Variants in KLHL29 observed in about 807,000 individuals in gnomAD.
The protein encoded by KLHL29 is kelch like family member 29.
In KLHL29, 21 loss-of-function variants were observed where a neutral mutation model predicts 80.4. That is an observed-to-expected ratio of 0.26 (90% CI 0.19 to 0.38). The LOEUF (loss-of-function observed/expected upper bound fraction) is 0.38, where lower values mean the gene tolerates loss of function less well. Among genes scored for constraint, KLHL29 ranks in the 10% least tolerant of loss-of-function variants. The probability of loss-of-function intolerance (pLI) is 1.00; values close to 1 mark genes in which losing one functional copy is unlikely to be tolerated. For missense variants in KLHL29, 867 were observed against 1,223.9 expected (o/e 0.71, Z 4.35); for synonymous variants, 511 against 526.8 (o/e 0.97, Z 0.41).
At chr2:23,541,565 G>A (rs1033566297) in intron 2 of KLHL29, among the ~76,000 whole-genome samples, 2 of 152,192 alleles carry the variant, frequency 1.3e-5, no homozygotes, top group African/African-American at 2.4e-5. Flanking sequence ...GAAAGTGAGC[G>A]GCAGCTCTGT....
intron 2 of KLHL29, among the ~76,000 whole-genome samples, chr2:23,547,107 G>A (rs1253236493): frequency 6.6e-6 from 1 of 152,184 alleles, no homozygotes; most frequent in African/African-American, 2.4e-5. Flanking sequence ...AGGAGGGCCG[G>A]CACCGGGTCT....
At chr2:23,604,182 C>T (rs1279398115) in intron 3 of KLHL29, among the ~76,000 whole-genome samples, 1 of 151,928 alleles carries the variant, frequency 6.6e-6, no homozygotes, top group Non-Finnish European at 1.5e-5. Context: ...GACAGAGTCT[C>T]ACTCTTTCGC....
chr2:23,616,956 G>C (rs1292735834), intron 3 of KLHL29: 2 of 152,224 alleles, frequency 1.3e-5, no homozygotes. Context: ...CTGAATTACA[G>C]CCGTGACCGC....
In KLHL29 at chr2:23,503,233, C is replaced by T. The variant is rs545306569; in HGVS notation, c.-46+27566C>T. 7.2e-5 allele frequency among the ~76,000 whole-genome samples: 11 copies of T among 152,248 alleles called. No individual in the cohort carries two copies. Among genetic ancestry groups the T allele is most frequent in the South Asian group, 2.1e-4 (1 of 4,812 alleles). Reference sequence around the variant, plus strand: ...TAGACCTGGCAGGGGATGGCTGCTCCGGGCTGGCCTGGGCCTCGCTCTGCC... The same window carrying T: ...TAGACCTGGCAGGGGATGGCTGCTCTGGGCTGGCCTGGGCCTCGCTCTGCC... On this transcript the variant is annotated intron_variant, in intron 2 of 13. Transcript: ENST00000486442. The surrounding 1 kb of genome is among the most constrained non-coding windows in gnomAD (Gnocchi z 4.0).
chr2:23,552,146 A>G (rs892074739), intron 2 of KLHL29, among the ~76,000 whole-genome samples: 1 of 152,230 alleles, frequency 6.6e-6, no homozygotes, highest in African/African-American at 2.4e-5. Flanking sequence ...GTGTTGTTAC[A>G]GGGGCTCTCC....
intron 3 of KLHL29, among the ~76,000 whole-genome samples, chr2:23,572,700 C>CTTT (rs67663284): frequency 1.2e-4 from 16 of 136,852 alleles, no homozygotes; most frequent in Non-Finnish European, 2.2e-4. Flanking sequence ...ACAGTGATTT[C>CTTT]TTTTTTTTTT....
chr2:23,694,244 C>T (rs959093317), intron 8 of KLHL29, among the ~76,000 whole-genome samples: 4 of 152,242 alleles, frequency 2.6e-5, no homozygotes, highest in East Asian at 3.9e-4. Context: ...CTTATTTCAG[C>T]GATGCCTGGT....
At chr2:23,403,780 A>G (rs536227815) in intron 1 of KLHL29, among the ~76,000 whole-genome samples, 1 of 151,022 alleles carries the variant, frequency 6.6e-6, no homozygotes, top group African/African-American at 2.4e-5. Context: ...CGCAAAAGAC[A>G]GGGAAGAATT....
At chr2:23,449,347 G>A (rs776633623) in intron 1 of KLHL29, among the ~76,000 whole-genome samples, 3 of 152,164 alleles carry the variant, frequency 2.0e-5, no homozygotes, top group Non-Finnish European at 4.4e-5. Context: ...TAACAATGCT[G>A]CCTAACAAGT....
intron 2 of KLHL29, among the ~76,000 whole-genome samples, chr2:23,534,365 A>T (rs1242283938): frequency 1.3e-5 from 2 of 152,096 alleles, no homozygotes; most frequent in African/African-American, 4.8e-5. Context: ...GGCATTTAAT[A>T]AGTGATGGTT....
At chr2:23,619,710 T>A (rs1302588045) in intron 3 of KLHL29, among the ~76,000 whole-genome samples, 2 of 152,228 alleles carry the variant, frequency 1.3e-5, no homozygotes, top group East Asian at 3.9e-4. Flanking sequence ...TCCTTTGCCC[T>A]GGAATTGCAC....
chr2:23,598,413 T>C (rs1010464311), intron 3 of KLHL29, among the ~76,000 whole-genome samples: 2 of 152,212 alleles, frequency 1.3e-5, no homozygotes, highest in African/African-American at 4.8e-5. Flanking sequence ...AAAATTCAGA[T>C]GATATTCATT....
intron 5 of KLHL29, among the ~76,000 whole-genome samples, chr2:23,679,076 T>G (rs999639022): frequency 2.6e-5 from 4 of 151,284 alleles, no homozygotes; most frequent in Non-Finnish European, 5.9e-5. Flanking sequence ...AGAATTAGCC[T>G]CAAACTGAAC....
At chr2:23,449,780 A>G (rs866386304) in intron 1 of KLHL29, among the ~76,000 whole-genome samples, 7 of 152,212 alleles carry the variant, frequency 4.6e-5, no homozygotes, top group South Asian at 2.1e-4. Context: ...AACCTCTCCA[A>G]TGGCCCATAC....
intron 3 of KLHL29, among the ~76,000 whole-genome samples, chr2:23,594,971 G>A (rs991719274): frequency 2.6e-5 from 4 of 152,100 alleles, no homozygotes; most frequent in Admixed American, 2.0e-4. Context: ...ACCATTTTCC[G>A]TTTCCGCTCA....
rs185419638 is a variant in KLHL29, at chr2:23,420,249, G to A, written c.-154+34469G>A. Among the ~76,000 whole-genome samples the A allele has an allele frequency of 1.3e-3, 203 of 152,184 alleles. 3 individuals carry two copies. The highest frequency in any genetic ancestry group is 4.7e-3 in the African/African-American group (194 of 41,526). On this transcript the variant is annotated intron_variant, in intron 1 of 13. Coordinates refer to ENST00000486442, the MANE Select transcript of KLHL29 (RefSeq NM_052920.2). ...TCAGAGCTGTCTACAGCTGGAACTC[G>A]CCCACCTTGTGGCCGTCCCTCGAAG...
At chr2:23,650,876 C>A (rs1670070708) in intron 5 of KLHL29, among the ~76,000 whole-genome samples, 1 of 152,058 alleles carries the variant, frequency 6.6e-6, no homozygotes, top group Admixed American at 6.6e-5. Context: ...AGAAGGTGAG[C>A]CAGGCCATGG....
At chr2:23,566,112 T>G (rs1667583587) in intron 3 of KLHL29, among the ~76,000 whole-genome samples, 1 of 152,142 alleles carries the variant, frequency 6.6e-6, no homozygotes. Context: ...CCTGAGTTGG[T>G]TTTTCTACTT....
At chr2:23,571,331 A>G (rs1422848829) in intron 3 of KLHL29, among the ~76,000 whole-genome samples, 1 of 152,242 alleles carries the variant, frequency 6.6e-6, no homozygotes, top group Non-Finnish European at 1.5e-5. Flanking sequence ...GAGCTGGAGA[A>G]TGAGCCAGGC....
Sources: allele counts gnomAD v4.1 joint callset (sites outside exome capture counted in the v4.1 genomes callset), GRCh38; gene constraint gnomAD v4.1.1; non-coding constraint Gnocchi (gnomAD v3.1); transcripts MANE v1.5; gene names NCBI Gene and HGNC (gene_info 2026-07-23, HGNC 2026-07-21).